The following AGBL1 variants were observed in gnomAD, a reference collection of about 807,000 sequenced individuals.
The protein encoded by AGBL1 is cytosolic carboxypeptidase 4.
AGBL1 carries 130 observed loss-of-function variants against 118.9 expected under a neutral mutation model. That is an observed-to-expected ratio of 1.09 (90% CI 0.95 to 1.26). AGBL1 has a LOEUF of 1.26. Ranked by LOEUF, AGBL1 falls within the 50% of genes most tolerant of loss-of-function variation. The pLI is 0.00. For missense variants in AGBL1, 1,584 were observed against 1,298.1 expected (o/e 1.22, Z -3.38); for synonymous variants, 555 against 478.9 (o/e 1.16, Z -2.08).
intron 21 of AGBL1, among the ~76,000 whole-genome samples, chr15:86,609,437 C>T (rs1401012223): frequency 6.6e-6 from 1 of 152,152 alleles, no homozygotes; most frequent in Non-Finnish European, 1.5e-5. Flanking sequence ...GGCTGATGCA[C>T]ACTTCATTTA....
At chr15:86,968,458 T>A (rs1027241422) in intron 23 of AGBL1, among the ~76,000 whole-genome samples, 1 of 151,926 alleles carries the variant, frequency 6.6e-6, no homozygotes, top group African/African-American at 2.4e-5. Context: ...CATTTTGCAA[T>A]GGATAGAAAT....
chr15:86,774,402 G>A (rs1466925608), intron 22 of AGBL1, among the ~76,000 whole-genome samples: 1 of 152,142 alleles, frequency 6.6e-6, no homozygotes, highest in Non-Finnish European at 1.5e-5. Flanking sequence ...GGACAATGGA[G>A]TCTTTAATAC....
At chr15:86,329,356 G>A (rs915585528) in intron 17 of AGBL1, among the ~76,000 whole-genome samples, 2 of 152,080 alleles carry the variant, frequency 1.3e-5, no homozygotes, top group Admixed American at 1.3e-4. Flanking sequence ...AGATCTCCAA[G>A]TATTTGGAGC....
intron 1 of AGBL1, among the ~76,000 whole-genome samples, chr15:86,115,761 C>T (rs192405107): frequency 6.6e-6 from 1 of 152,300 alleles, no homozygotes; most frequent in Admixed American, 6.5e-5. Flanking sequence ...CTTCCTCAGT[C>T]ACATACCATG....
chr15:86,782,792 A>C (rs74025475), intron 22 of AGBL1, among the ~76,000 whole-genome samples: 2 of 152,350 alleles, frequency 1.3e-5, no homozygotes, highest in African/African-American at 4.8e-5. Context: ...TTTGCCTTGC[A>C]ATGGTAAAGC....
chr15:86,870,535 T>A, intron 22 of AGBL1, among the ~76,000 whole-genome samples: 1 of 141,656 alleles, frequency 7.1e-6, no homozygotes, highest in Non-Finnish European at 1.5e-5. Context: ...CCCTTTGGCA[T>A]TTAAACATTG....
At chr15:86,496,501 A>G (rs1438152363) in intron 18 of AGBL1, among the ~76,000 whole-genome samples, 1 of 152,074 alleles carries the variant, frequency 6.6e-6, no homozygotes, top group Non-Finnish European at 1.5e-5. Context: ...GTGTCTTTTA[A>G]TAGATTACTT....
At chr15:86,610,144 T>C (rs2084636993) in intron 21 of AGBL1, among the ~76,000 whole-genome samples, 1 of 152,226 alleles carries the variant, frequency 6.6e-6, no homozygotes, top group African/African-American at 2.4e-5. Context: ...GGTGATCTCC[T>C]CTTTCTGTAG....
chr15:86,504,696 CCTTT>C (rs1331144892), intron 18 of AGBL1, among the ~76,000 whole-genome samples: 1 of 151,502 alleles, frequency 6.6e-6, no homozygotes, highest in Non-Finnish European at 1.5e-5. Flanking sequence ...ATTTCCTTCC[CCTTT>C]CTTTGTGCTA....
At chr15:86,499,677 A>G (rs1163700862) in intron 18 of AGBL1, among the ~76,000 whole-genome samples, 1 of 151,922 alleles carries the variant, frequency 6.6e-6, no homozygotes, top group African/African-American at 2.4e-5. Flanking sequence ...CCATAGAATG[A>G]GGTTTTAAGC....
Position 86,945,306 on chromosome 15 carries a change from C to T in AGBL1, c.3222-42681C>T, listed in dbSNP as rs184064624. Among the ~76,000 whole-genome samples the T allele has an allele frequency of 5.5e-5, 8 of 146,474 alleles. No homozygotes were observed. In the South Asian group the frequency reaches 6.5e-4, roughly 12 times the overall value. On this transcript the variant is annotated intron_variant, in intron 23 of 24. Coordinates refer to the AGBL1 transcript ENST00000441037. Reference sequence around the variant, plus strand: ...TATTTGATATCATGAAAAGAGTTCACGATATGTAAAGATAGAGAAAAAAAG... The same window carrying T: ...TATTTGATATCATGAAAAGAGTTCATGATATGTAAAGATAGAGAAAAAAAG...
At position 86,233,348 on chromosome 15, in the gene AGBL1, C is replaced by T. The variant is rs193278910; in HGVS notation, c.526+8397C>T. Among the ~76,000 whole-genome samples, 320 of 151,090 alleles carry T rather than the reference C, an allele frequency of 2.1e-3. 1 individual carries two copies. Among genetic ancestry groups the T allele is most frequent in the Non-Finnish European group, 3.9e-3 (268 of 67,896 alleles). On this transcript the variant is annotated intron_variant, in intron 6 of 22. Transcript: ENST00000614907. ...TCAAACATGGGAGGGCTAGCCCAGGCGAGGAGATTAGAAATTCTTTAGTAG... is the reference window on the plus strand; with the variant it reads ...TCAAACATGGGAGGGCTAGCCCAGGTGAGGAGATTAGAAATTCTTTAGTAG...
intron 17 of AGBL1, among the ~76,000 whole-genome samples, chr15:86,320,648 T>C (rs2080091492): frequency 6.6e-6 from 1 of 152,050 alleles, no homozygotes; most frequent in Non-Finnish European, 1.5e-5. Context: ...TATTTTTGTA[T>C]TGTTTCTGAT....
chr15:86,452,145 C>T (rs1384052065), intron 18 of AGBL1, among the ~76,000 whole-genome samples: 3 of 152,168 alleles, frequency 2.0e-5, no homozygotes, highest in Non-Finnish European at 4.4e-5. Flanking sequence ...TCTCTAGACT[C>T]ATCTCCTAAC....
intron 22 of AGBL1, among the ~76,000 whole-genome samples, chr15:86,751,711 A>G (rs978454160): frequency 2.0e-5 from 3 of 152,250 alleles, no homozygotes; most frequent in East Asian, 1.9e-4. Flanking sequence ...ACTGTATTAC[A>G]TATCTTATTT....
chr15:86,840,874 A>G (rs12907291), intron 22 of AGBL1, among the ~76,000 whole-genome samples: 5 of 152,172 alleles, frequency 3.3e-5, no homozygotes, highest in Non-Finnish European at 5.9e-5. Context: ...TCATGTCCCA[A>G]CCATGCTATT....
chr15:86,694,484 G>C (rs956768933), intron 22 of AGBL1, among the ~76,000 whole-genome samples: 1 of 152,004 alleles, frequency 6.6e-6, no homozygotes, highest in Non-Finnish European at 1.5e-5. Context: ...ATTAGTTCTA[G>C]GAGCTTTTTG....
chr15:86,763,553 T>C (rs1454755565), intron 22 of AGBL1, among the ~76,000 whole-genome samples: 1 of 151,970 alleles, frequency 6.6e-6, no homozygotes, highest in Non-Finnish European at 1.5e-5. Context: ...AGATTGTGGT[T>C]CCCGATTGCT....
intron 22 of AGBL1, among the ~76,000 whole-genome samples, chr15:86,906,846 G>A (rs748636156): frequency 6.6e-6 from 1 of 152,126 alleles, no homozygotes; most frequent in African/African-American, 2.4e-5. Context: ...AGGACACAGG[G>A]GAGTGTGCAT....
Sources: gnomAD v4.1 joint callset for allele counts (sites outside exome capture counted in the v4.1 genomes callset) on GRCh38, gnomAD v4.1.1 for gene constraint, MANE v1.5 for transcripts, NCBI Gene and HGNC (gene_info 2026-07-23, HGNC 2026-07-21) for gene names.